FUT9: variants seen among roughly 807,000 people sequenced by gnomAD.
FUT9 encodes 4-galactosyl-N-acetylglucosaminide 3-alpha-L-fucosyltransferase 9.
FUT9 carries 15 observed loss-of-function variants against 29.7 expected under a neutral mutation model. That is an observed-to-expected ratio of 0.51 (90% CI 0.34 to 0.78). The LOEUF (loss-of-function observed/expected upper bound fraction) is 0.78. Ranked by LOEUF, FUT9 falls within the 30% of genes least tolerant of loss-of-function variation. FUT9 has a pLI of 0.01. For synonymous variants in FUT9, 169 were observed against 153.7 expected, an observed-to-expected ratio of 1.10 and a Z score of -0.74; for missense variants, 319 against 425.4, an observed-to-expected ratio of 0.75 and a Z score of 2.20.
At chr6:96,115,797 T>A (rs547222852) in intron 2 of FUT9, among the ~76,000 whole-genome samples, 62 of 152,304 alleles carry the variant, frequency 4.1e-4, no homozygotes, top group African/African-American at 1.5e-3. Context: ...CAGAACCCCA[T>A]GTTTATGAGA....
intron 2 of FUT9, among the ~76,000 whole-genome samples, chr6:96,163,284 T>TA (rs1772947420): frequency 6.6e-6 from 1 of 151,680 alleles, no homozygotes; most frequent in Non-Finnish European, 1.5e-5. Context: ...CAAGCTCTTT[T>TA]TTTTTTTTTT....
intron 2 of FUT9, among the ~76,000 whole-genome samples, chr6:96,190,662 T>C (rs186454746): frequency 1.7e-4 from 26 of 152,346 alleles, no homozygotes; most frequent in Non-Finnish European, 3.4e-4. Context: ...TCATTTGATC[T>C]TCAATCACTG....
At chr6:96,174,186 C>A (rs182883613) in intron 2 of FUT9, among the ~76,000 whole-genome samples, 103 of 152,138 alleles carry the variant, frequency 6.8e-4, no homozygotes, top group African/African-American at 2.4e-3. Flanking sequence ...TAAATAAATA[C>A]AAACTTTTCA....
chr6:96,109,610 T>G (rs902848581), intron 1 of FUT9, among the ~76,000 whole-genome samples: 1 of 152,222 alleles, frequency 6.6e-6, no homozygotes, highest in African/African-American at 2.4e-5. Context: ...TTTATTCAAA[T>G]ATATCAAATG....
chr6:96,185,631 T>C (rs1166721637), intron 2 of FUT9, among the ~76,000 whole-genome samples: 1 of 152,154 alleles, frequency 6.6e-6, no homozygotes, highest in Admixed American at 6.6e-5. Context: ...GAGGTAACTT[T>C]ACCCATTTAG....
At chr6:96,091,213 T>A (rs2127953875) in intron 1 of FUT9, among the ~76,000 whole-genome samples, 1 of 152,200 alleles carries the variant, frequency 6.6e-6, no homozygotes, top group African/African-American at 2.4e-5. Flanking sequence ...AACCAAATAG[T>A]TCAAAGCGTT....
At position 96,042,068 on chromosome 6, in the gene FUT9, C is replaced by G. The variant is rs547689438; in HGVS notation, c.-98+25856C>G. Among the ~76,000 whole-genome samples the G allele has an allele frequency of 9.9e-5, 15 of 152,258 alleles. No homozygotes were observed. In the South Asian group the frequency reaches 3.1e-3, roughly 32 times the overall value. The stretch of plus-strand genomic sequence containing the variant: ...CCTATAACTTTCAGTTATTTCCAGA[C>G]TCTCTGCTCAGTTCACTCCCCCACC... On this transcript the variant is annotated intron_variant, in intron 1 of 2. Transcript: ENST00000302103.
chr6:96,049,106 GA>G (rs1391398971), intron 1 of FUT9, among the ~76,000 whole-genome samples: 2 of 152,144 alleles, frequency 1.3e-5, no homozygotes, highest in Non-Finnish European at 2.9e-5. Flanking sequence ...AAAGACAAGG[GA>G]AAATTATGGA....
rs1773841492 is a variant in FUT9 at position 96,206,967 on chromosome 6, T to C, written c.*2732T>C. On this transcript the variant is annotated 3_prime_UTR_variant, in exon 3 of 3. Coordinates refer to ENST00000302103, the MANE Select transcript of FUT9 (RefSeq NM_006581.4). ...GATAATATGACGCAAGTAGAGGCAG[T>C]ACTACTAAGTATCTAGCAGGTGCTT... 2 of 167,000 alleles carry C rather than the reference T, an allele frequency of 1.2e-5. No homozygotes were observed. Among genetic ancestry groups the C allele is most frequent in the South Asian group, 4.1e-4 (2 of 4,824 alleles). 10.3% of individuals were successfully genotyped at this position (167,000 alleles called of 1,614,324 possible).
chr6:96,039,826 G>T (rs1168023954), intron 1 of FUT9, among the ~76,000 whole-genome samples: 1 of 152,118 alleles, frequency 6.6e-6, no homozygotes, highest in African/African-American at 2.4e-5. Context: ...AAGTTGTGTA[G>T]ACGTAATGAA....
chr6:96,162,534 A>G (rs1360232123), intron 2 of FUT9, among the ~76,000 whole-genome samples: 2 of 152,166 alleles, frequency 1.3e-5, no homozygotes, highest in African/African-American at 2.4e-5. Context: ...AGTAACTACT[A>G]TTCTACTCCT....
intron 1 of FUT9, among the ~76,000 whole-genome samples, chr6:96,067,441 T>C (rs1176822198): frequency 1.3e-5 from 2 of 152,074 alleles, no homozygotes. Context: ...GCTTTAAACA[T>C]AGGAATGACG....
At chr6:96,064,666 T>G (rs1770933479) in intron 1 of FUT9, among the ~76,000 whole-genome samples, 1 of 152,160 alleles carries the variant, frequency 6.6e-6, no homozygotes, top group South Asian at 2.1e-4. Context: ...ATCAGTTTGA[T>G]TTGTCCTCTA....
At position 96,047,671 on chromosome 6, in the gene FUT9, A is replaced by G. The variant is rs913405920; in HGVS notation, c.-98+31459A>G. ...CCATCCTCCCTGCCTTCCCTACTCT[A>G]GCCCCTGACACCACTATAAGAATAA... On this transcript the variant is annotated intron_variant, in intron 1 of 2. Coordinates refer to ENST00000302103, the MANE Select transcript of FUT9 (RefSeq NM_006581.4). 4.6e-5 allele frequency among the ~76,000 whole-genome samples: 7 copies of G among 152,182 alleles called. No individual in the cohort carries two copies. In the East Asian group the frequency reaches 5.8e-4, roughly 13 times the overall value.
chr6:96,096,425 ATC>A (rs1472568749), intron 1 of FUT9, among the ~76,000 whole-genome samples: 1 of 152,084 alleles, frequency 6.6e-6, no homozygotes, highest in Non-Finnish European at 1.5e-5. Flanking sequence ...GTCAGCTCAT[ATC>A]TCTCCTCTGC....
In FUT9 at chr6:96,025,231, G is replaced by A. The variant is rs139087580; in HGVS notation, c.-98+9019G>A. Among the ~76,000 whole-genome samples, 416 of 151,838 alleles carry A rather than the reference G, an allele frequency of 2.7e-3. 2 individuals carry two copies. Among genetic ancestry groups the A allele is most frequent in the African/African-American group, 9.4e-3 (392 of 41,482 alleles). On this transcript the variant is annotated intron_variant, in intron 1 of 2. Transcript: ENST00000302103. ...AAATCTTAGTATTAGTTGTTACAGT[G>A]CTGCAGGTCTGAGACTGGACTCGAT...
At chr6:96,115,071 T>C (rs1052333891) in intron 2 of FUT9, among the ~76,000 whole-genome samples, 2 of 152,212 alleles carry the variant, frequency 1.3e-5, no homozygotes, top group African/African-American at 4.8e-5. Flanking sequence ...TGGTGGTGGA[T>C]AGGTTATTAA....
Position 96,204,495 on chromosome 6 carries a change from T to C in FUT9, c.*260T>C, listed in dbSNP as rs4078339. ...TCTTCATTATCATTTGTAAACATTG[T>C]TTTTTCACATTTTTGTAGTTGTCCA... On this transcript the variant is annotated 3_prime_UTR_variant, in exon 3 of 3. Transcript: ENST00000302103. The C allele has an allele frequency of 0.94, 232,408 of 247,232 alleles. 110,858 individuals are homozygous for C. Among genetic ancestry groups the C allele is most frequent in the Non-Finnish European group, 1 (121,065 of 121,324 alleles). The allele number at this position is 247,232 out of a possible 1,614,324, so 15.3% of individuals were successfully genotyped here.
rs1186613251 is a variant in FUT9 at position 96,208,251 on chromosome 6, G to A, written c.*4016G>A. 6.7e-6 allele frequency: 1 copy of A among 150,192 alleles called. No individual in the cohort carries two copies. Among genetic ancestry groups the A allele is most frequent in the African/African-American group, 2.6e-5 (1 of 37,874 alleles). The allele number at this position is 150,192 out of a possible 1,614,324, so 9.3% of individuals were successfully genotyped here. ...CCTATTTTTAAACTAGATTCCATGA[G>A]TCTTAAGGTAATATCCTAGAATTTT... On this transcript the variant is annotated 3_prime_UTR_variant, in exon 3 of 3. Transcript: ENST00000302103.
Sources: gnomAD v4.1 joint callset for allele counts (sites outside exome capture counted in the v4.1 genomes callset) on GRCh38, gnomAD v4.1.1 for gene constraint, MANE v1.5 for transcripts, NCBI Gene and HGNC (gene_info 2026-07-23, HGNC 2026-07-21) for gene names.